The following CARF variants were observed in gnomAD, a reference collection of about 807,000 sequenced individuals.
CARF encodes calcium responsive transcription factor.
In CARF, 57 loss-of-function variants were observed where a neutral mutation model predicts 82.0. The ratio of observed to expected loss-of-function variants is 0.70; its 90% CI spans 0.56 to 0.87. The LOEUF (loss-of-function observed/expected upper bound fraction) is 0.87, where lower values mean the gene tolerates loss of function less well. Among genes scored for constraint, CARF ranks in the 40% least tolerant of loss-of-function variants. The probability of loss-of-function intolerance (pLI) is 0.00; values close to 1 mark genes in which losing one functional copy is unlikely to be tolerated. For synonymous variants in CARF, 268 were observed against 290.1 expected (o/e 0.92, Z 0.77); for missense variants, 771 against 855.8 (o/e 0.90, Z 1.24).
chr2:202,981,349 C>T (rs1446830763), intron 14 of CARF, among the ~76,000 whole-genome samples: 1 of 152,180 alleles, frequency 6.6e-6, no homozygotes, highest in East Asian at 1.9e-4. Flanking sequence ...GCCCCATGCT[C>T]ACCTCCTGCT....
At chr2:202,977,407 A>G in intron 14 of CARF, 75 bp downstream of exon 14, 1 of 1,098,610 alleles carries the variant, frequency 9.1e-7, no homozygotes, top group Non-Finnish European at 1.4e-6. Context: ...ATATTATCTC[A>G]TCTAATCAAA....
intron 12 of CARF, among the ~76,000 whole-genome samples, chr2:202,972,519 A>T (rs552078506): frequency 6.6e-5 from 10 of 152,068 alleles, no homozygotes; most frequent in African/African-American, 2.4e-4. Context: ...TCTACTAAAA[A>T]TACAAAAACT....
chr2:202,925,677 A>G, intron 3 of CARF: 3 of 202,980 alleles, frequency 1.5e-5, no homozygotes, highest in Admixed American at 5.7e-5. Flanking sequence ...TAGCAGGGGG[A>G]GCTGGCCATT....
chr2:202,971,960 CACTT>C (rs1362723001), intron 12 of CARF, among the ~76,000 whole-genome samples: 1 of 152,018 alleles, frequency 6.6e-6, no homozygotes. Flanking sequence ...TCTGATTACT[CACTT>C]GAGACATTCT....
intron 5 of CARF, among the ~76,000 whole-genome samples, chr2:202,943,275 T>C (rs1409470328): frequency 6.6e-6 from 1 of 152,112 alleles, no homozygotes; most frequent in Non-Finnish European, 1.5e-5. Context: ...GATTTCACCA[T>C]GTTGGCCAGG....
In CARF at chr2:202,956,485, A is replaced by G. The variant is rs191432173; in HGVS notation, c.642+727A>G. The stretch of plus-strand genomic sequence containing the variant: ...TGGCCAGACTGGTCTCAAACTCCTG[A>G]GGTGATCTACCCACCTCAGGCTCCC... On this transcript the variant is annotated intron_variant, in intron 8 of 16. Coordinates refer to ENST00000438828, the MANE Select transcript of CARF (RefSeq NM_024744.17). Among the ~76,000 whole-genome samples the G allele has an allele frequency of 1.9e-4, 29 of 152,088 alleles. 1 individual carries two copies. The highest frequency in any genetic ancestry group is 2.6e-4 in the Non-Finnish European group (18 of 67,978).
At chr2:202,979,829 A>G (rs1026292283) in intron 14 of CARF, among the ~76,000 whole-genome samples, 3 of 151,900 alleles carry the variant, frequency 2.0e-5, no homozygotes, top group Non-Finnish European at 2.9e-5. Context: ...AAGAAAAGAA[A>G]CTGAGTTATA....
chr2:202,964,100 T>C (rs1574717315), intron 9 of CARF, among the ~76,000 whole-genome samples: 1 of 152,192 alleles, frequency 6.6e-6, no homozygotes, highest in East Asian at 1.9e-4. Flanking sequence ...TCAGGCCTGG[T>C]TTCGCAGCCA....
intron 8 of CARF, among the ~76,000 whole-genome samples, chr2:202,957,181 C>T (rs1450934176): frequency 6.6e-6 from 1 of 152,128 alleles, no homozygotes; most frequent in Non-Finnish European, 1.5e-5. Context: ...TGCTTGATTA[C>T]AGGAATAGCC....
chr2:202,967,172 A>G (rs2059590647), intron 10 of CARF, 74 bp downstream of exon 10: 1 of 1,476,664 alleles, frequency 6.8e-7, no homozygotes, highest in African/African-American at 1.4e-5. Flanking sequence ...TATTTTTATT[A>G]GGTTTATACA....
Position 202,986,888 on chromosome 2 carries a change from A to G in CARF, c.*3264A>G, listed in dbSNP as rs868788018. ...TGTGCGTATATATATATATATATAT[A>G]TATATATATATATATATATAGCAAC... is the stretch of plus-strand genomic sequence containing the variant. On this transcript the variant is annotated 3_prime_UTR_variant, in exon 17 of 17. Transcript: ENST00000438828. The G allele has an allele frequency of 2.7e-4, 36 of 134,654 alleles. 2 individuals are homozygous for G. Among genetic ancestry groups the G allele is most frequent in the African/African-American group, 9.6e-4 (36 of 37,316 alleles). 8.3% of individuals were successfully genotyped at this position (134,654 alleles called of 1,614,324 possible).
intron 1 of CARF, among the ~76,000 whole-genome samples, chr2:202,916,124 G>T (rs1227806056): frequency 2.6e-5 from 4 of 151,758 alleles, no homozygotes; most frequent in African/African-American, 9.7e-5. Context: ...TCTAAAAGAT[G>T]CGGTAAATTT....
intron 9 of CARF, among the ~76,000 whole-genome samples, 180 bp from the exon 10 acceptor site, chr2:202,966,798 T>C (rs1248505503): frequency 6.6e-6 from 1 of 152,244 alleles, no homozygotes; most frequent in Non-Finnish European, 1.5e-5. Flanking sequence ...TTTGGTAAAT[T>C]TTAAAATAAA....
intron 12 of CARF, among the ~76,000 whole-genome samples, chr2:202,972,591 T>C (rs2059836753): frequency 6.7e-6 from 1 of 150,014 alleles, no homozygotes; most frequent in East Asian, 2.0e-4. Flanking sequence ...GCAAGAGAAT[T>C]GCTTGAACCC....
In CARF at chr2:202,912,744, A is replaced by G; in HGVS notation, c.-688A>G. 6.6e-6 allele frequency: 1 copy of G among 151,008 alleles called. No homozygotes were observed. Among genetic ancestry groups the G allele is most frequent in the Non-Finnish European group, 1.5e-5 (1 of 67,642 alleles). The allele number at this position is 151,008 out of a possible 1,614,324, so 9.4% of individuals were successfully genotyped here. On this transcript the variant is annotated 5_prime_UTR_variant, in exon 1 of 17. Coordinates refer to ENST00000438828, the MANE Select transcript of CARF (RefSeq NM_024744.17). ...CCAAGGACGCGCCATCGCCGCGGAG[A>G]AGGAGCCGGACCCCTTGGGCGGAGC...
intron 9 of CARF, among the ~76,000 whole-genome samples, chr2:202,964,257 G>C (rs575175745): frequency 2.0e-5 from 3 of 151,884 alleles, no homozygotes; most frequent in African/African-American, 7.3e-5. Flanking sequence ...AGCATTGCCA[G>C]ATGTTTAAAA....
In CARF at chr2:202,968,302, T is replaced by C. The variant is rs2059635715; in HGVS notation, c.953+1204T>C. Among the ~76,000 whole-genome samples, 5 of 152,234 alleles carry C rather than the reference T, an allele frequency of 3.3e-5. No homozygotes were observed. In the South Asian group the frequency reaches 1.0e-3, roughly 32 times the overall value. ...CTGTAATCCCAGCTACTCGGGAGGC[T>C]GAGGCAGGAGAATCGCTTGAATCCA... On this transcript the variant is annotated intron_variant, in intron 10 of 16. Transcript: ENST00000438828.
At chr2:202,949,792 C>T (rs2058676929) in intron 5 of CARF, among the ~76,000 whole-genome samples, 1 of 151,966 alleles carries the variant, frequency 6.6e-6, no homozygotes, top group African/African-American at 2.4e-5. Context: ...TCAGGTGATC[C>T]ACCCACCTTG....
At chr2:202,921,980 C>T (rs1690906800) in intron 2 of CARF, among the ~76,000 whole-genome samples, 1 of 151,458 alleles carries the variant, frequency 6.6e-6, no homozygotes, top group Admixed American at 6.6e-5. Context: ...AGGCACTCAC[C>T]ACCATGCCTG....
Sources: allele counts gnomAD v4.1 joint callset (sites outside exome capture counted in the v4.1 genomes callset), GRCh38; gene constraint gnomAD v4.1.1; transcripts MANE v1.5; gene names NCBI Gene and HGNC (gene_info 2026-07-23, HGNC 2026-07-21).